The following MMP20 variants were observed in gnomAD, a reference collection of about 807,000 sequenced individuals.
MMP20 encodes the protein matrix metallopeptidase 20.
A neutral mutation model predicts 51.8 loss-of-function variants in MMP20; 50 were observed. The ratio of observed to expected loss-of-function variants is 0.97; its 90% confidence interval spans 0.77 to 1.22. MMP20 has a LOEUF of 1.22. Ranked by LOEUF, MMP20 falls within the 50% of genes most tolerant of loss-of-function variation. The pLI, the probability that MMP20 is intolerant of heterozygous loss-of-function variation, is 0.00. For synonymous variants in MMP20, 244 were observed against 216.2 expected (o/e 1.13, Z -1.13); for missense variants, 663 against 601.4 (o/e 1.10, Z -1.07).
intron 6 of MMP20, among the ~76,000 whole-genome samples, chr11:102,603,947 T>C (rs1321161239): frequency 6.6e-6 from 1 of 152,192 alleles, no homozygotes; most frequent in Non-Finnish European, 1.5e-5. Flanking sequence ...TAATCAAGAC[T>C]ATGTCAAAAG....
At chr11:102,577,509 T>G in intron 9 of MMP20, 83 bp from the exon 10 acceptor site, 3 of 974,002 alleles carry the variant, frequency 3.1e-6, no homozygotes, top group Non-Finnish European at 3.2e-6. Context: ...GTCACTTTCT[T>G]AAAGTGTCAC....
intron 9 of MMP20, 106 bp from the exon 10 acceptor site, chr11:102,577,532 G>T: frequency 1.2e-6 from 1 of 808,960 alleles, no homozygotes; most frequent in Non-Finnish European, 2.1e-6. Context: ...AAGAGGAATT[G>T]TGAATTTGTC....
At chr11:102,606,775 G>T in intron 5 of MMP20, 99 bp from the exon 6 acceptor site, 1 of 1,392,192 alleles carries the variant, frequency 7.2e-7, no homozygotes, top group Non-Finnish European at 1.0e-6. Context: ...TTTCACGCTG[G>T]ACATGTGATC....
chr11:102,579,579 G>A (rs1859169808), intron 8 of MMP20, among the ~76,000 whole-genome samples: 1 of 152,158 alleles, frequency 6.6e-6, no homozygotes, highest in Non-Finnish European at 1.5e-5. Context: ...CTCCCAAAGT[G>A]CTGGGATTAC....
At position 102,624,401 on chromosome 11, in the gene MMP20, C is replaced by CAT. The variant is rs58212685; in HGVS notation, c.126+791_126+792dup. Among the ~76,000 whole-genome samples the CAT allele has an allele frequency of 9.6e-3, 1,332 of 138,524 alleles. 17 individuals carry two copies. Among genetic ancestry groups the CAT allele is most frequent in the African/African-American group, 0.012 (421 of 35,718 alleles). The allele number at this position is 138,524 out of a possible 152,430, so 90.9% of individuals were successfully genotyped here. The stretch of plus-strand genomic sequence containing the variant: ...TTTAAAAACAAAACACGCTTGGAAG[C>CAT]ATATATATATATATATATATATATA... On this transcript the variant is annotated intron_variant, in intron 1 of 9. Coordinates refer to ENST00000260228, the MANE Select transcript of MMP20 (RefSeq NM_004771.4).
chr11:102,609,878 AGG>A, intron 4 of MMP20, 25 bp downstream of exon 4: 1 of 1,614,004 alleles, frequency 6.2e-7, no homozygotes, highest in Non-Finnish European at 8.5e-7. Flanking sequence ...AATATTTTCC[AGG>A]TTATGGTGAA....
At chr11:102,607,854 A>G (rs1246723862) in intron 5 of MMP20, 1 of 152,150 alleles carries the variant, frequency 6.6e-6, no homozygotes, top group Non-Finnish European at 1.5e-5. Context: ...TCCCATTGGA[A>G]CACTGCCACC....
At chr11:102,615,263 T>C (rs1405991811) in intron 2 of MMP20, among the ~76,000 whole-genome samples, 2 of 147,662 alleles carry the variant, frequency 1.4e-5, no homozygotes, top group Non-Finnish European at 1.5e-5. Context: ...TATGAAATAA[T>C]ATACTTATTT....
At chr11:102,599,779 A>G (rs531020640) in intron 6 of MMP20, among the ~76,000 whole-genome samples, 1 of 152,228 alleles carries the variant, frequency 6.6e-6, no homozygotes, top group African/African-American at 2.4e-5. Flanking sequence ...TTAGTTCATG[A>G]TGAGTCAGAA....
chr11:102,615,286 TTAATA>T (rs1859655520), intron 2 of MMP20, among the ~76,000 whole-genome samples: 2 of 148,016 alleles, frequency 1.4e-5, no homozygotes, highest in Admixed American at 6.8e-5. Flanking sequence ...TATAATTTAT[TTAATA>T]TAATATAATT....
chr11:102,608,826 ATGGTT>A, intron 5 of MMP20, 106 bp downstream of exon 5: 1 of 1,158,204 alleles, frequency 8.6e-7, no homozygotes, highest in Non-Finnish European at 1.3e-6. Context: ...AGTTGGGGTT[ATGGTT>A]TCTAGATTGA....
intron 8 of MMP20, among the ~76,000 whole-genome samples, chr11:102,591,872 G>A (rs1001115288): frequency 6.6e-6 from 1 of 152,150 alleles, no homozygotes; most frequent in African/African-American, 2.4e-5. Flanking sequence ...AATCCAGCCT[G>A]GCTGAAGGTA....
chr11:102,608,429 C>T (rs1001540808), intron 5 of MMP20, among the ~76,000 whole-genome samples: 1 of 152,206 alleles, frequency 6.6e-6, no homozygotes, highest in African/African-American at 2.4e-5. Context: ...CCTCAGCTTT[C>T]TCAGCTATCA....
chr11:102,583,921 C>A (rs1160450936), intron 8 of MMP20, among the ~76,000 whole-genome samples: 1 of 152,154 alleles, frequency 6.6e-6, no homozygotes, highest in Non-Finnish European at 1.5e-5. Flanking sequence ...TAGTATAATG[C>A]TCTCAAGATT....
chr11:102,588,400 T>C (rs1859278086), intron 8 of MMP20, among the ~76,000 whole-genome samples: 1 of 152,150 alleles, frequency 6.6e-6, no homozygotes, highest in Non-Finnish European at 1.5e-5. Flanking sequence ...GCTTTTGTTA[T>C]ATTAAGTTTC....
intron 3 of MMP20, among the ~76,000 whole-genome samples, chr11:102,611,202 G>T (rs1376112871): frequency 1.3e-5 from 2 of 152,190 alleles, no homozygotes; most frequent in Admixed American, 6.5e-5. Flanking sequence ...ATCTGAGGAG[G>T]GTGAGCAATG....
At position 102,594,495 on chromosome 11, in the gene MMP20, C is replaced by T. The variant is rs1711437; in HGVS notation, c.1090+126G>A. ...TGTAGGGTGGCATTTCATACCCAAC[C>T]TGAGGACAAAGAGCAACTGAAATGT... On this transcript the variant is annotated intron_variant, in intron 7 of 9. Coordinates refer to ENST00000260228, the MANE Select transcript of MMP20 (RefSeq NM_004771.4). The T allele has an allele frequency of 0.44, 560,253 of 1,264,810 alleles. 127,194 individuals carry two copies. Among genetic ancestry groups the T allele is most frequent in the South Asian group, 0.57 (44,383 of 77,768 alleles). The allele number at this position is 1,264,810 out of a possible 1,614,324, so 78.3% of individuals were successfully genotyped here.
At chr11:102,578,752 AAAAACAAAAAAC>A (rs1859156566) in intron 9 of MMP20, among the ~76,000 whole-genome samples, 1 of 89,786 alleles carries the variant, frequency 1.1e-5, no homozygotes, top group African/African-American at 3.6e-5. Context: ...ACAAAAAACA[AAAAACAAAAAAC>A]AAAAACAAAA....
chr11:102,598,854 A>G (rs571929537), intron 6 of MMP20, among the ~76,000 whole-genome samples: 1 of 152,256 alleles, frequency 6.6e-6, no homozygotes, highest in East Asian at 1.9e-4. Flanking sequence ...TTTCATTTTC[A>G]GGAGATGCCT....
Sources: allele counts gnomAD v4.1 joint callset (sites outside exome capture counted in the v4.1 genomes callset), GRCh38; gene constraint gnomAD v4.1.1; transcripts MANE v1.5; gene names NCBI Gene and HGNC (gene_info 2026-07-23, HGNC 2026-07-21).